TMEM114: variants seen among roughly 807,000 people sequenced by gnomAD.
The protein encoded by TMEM114 is claudin-26.
Under a neutral mutation model 6.2 loss-of-function variants are expected in TMEM114, and 6 were observed. The observed-to-expected ratio is 0.97, with a 90% CI of 0.53 to 1.91. The LOEUF (loss-of-function observed/expected upper bound fraction) is 1.91. Ranked by LOEUF, TMEM114 falls within the 40% of genes most tolerant of loss-of-function variation. The probability of loss-of-function intolerance (pLI) is 0.01; values close to 1 mark genes in which losing one functional copy is unlikely to be tolerated. For missense variants in TMEM114, 218 were observed against 158.3 expected, an observed-to-expected ratio of 1.38 and a Z score of -2.02; for synonymous variants, 104 against 73.0, an observed-to-expected ratio of 1.42 and a Z score of -2.16.
chr16:8,545,926 G>A (rs1369855348), intron 2 of TMEM114, among the ~76,000 whole-genome samples: 9 of 152,078 alleles, frequency 5.9e-5, no homozygotes, highest in Non-Finnish European at 4.4e-5. Context: ...ACCAGCCTGG[G>A]CAACATAGCA....
intron 2 of TMEM114, among the ~76,000 whole-genome samples, chr16:8,579,811 T>C (rs1190711433): frequency 6.6e-6 from 1 of 152,104 alleles, no homozygotes; most frequent in Non-Finnish European, 1.5e-5. Flanking sequence ...CAAGAGCCAA[T>C]GGCCATGAAG....
chr16:8,527,561 A>T, the TMEM114 span, among the ~76,000 whole-genome samples: 2 of 152,062 alleles, frequency 1.3e-5, no homozygotes, highest in African/African-American at 4.8e-5. Flanking sequence ...TAATCATGGA[A>T]TTTTGCGTGT....
chr16:8,561,284 T>A (rs555530435), intron 2 of TMEM114, among the ~76,000 whole-genome samples: 1 of 152,280 alleles, frequency 6.6e-6, no homozygotes, highest in African/African-American at 2.4e-5. Context: ...CAAGGCAAAA[T>A]TAGGAGGAAG....
chr16:8,533,069 T>C (rs1006773250), downstream of TMEM114, among the ~76,000 whole-genome samples: 2 of 151,826 alleles, frequency 1.3e-5, no homozygotes, highest in African/African-American at 4.8e-5. Context: ...AAAGGTAGGG[T>C]AGTAAAAGTC....
chr16:8,576,863 G>A (rs1013521195), intron 2 of TMEM114, among the ~76,000 whole-genome samples: 1 of 152,160 alleles, frequency 6.6e-6, no homozygotes, highest in African/African-American at 2.4e-5. Context: ...CCACCTCCTT[G>A]GAACTTATAA....
downstream of TMEM114, among the ~76,000 whole-genome samples, chr16:8,567,066 A>AT (rs34500863): frequency 0.014 from 1,956 of 144,414 alleles, 35 homozygotes; most frequent in African/African-American, 0.041. Context: ...ACAGCTGGCT[A>AT]TTTTTTTTTT....
intron 2 of TMEM114, among the ~76,000 whole-genome samples, chr16:8,559,503 A>G (rs577898022): frequency 1.3e-5 from 2 of 152,338 alleles, no homozygotes; most frequent in South Asian, 4.1e-4. Context: ...GGACCCAGCA[A>G]TCCAGTGGGT....
At chr16:8,545,577 C>G (rs895338360) in intron 2 of TMEM114, among the ~76,000 whole-genome samples, 10 of 152,170 alleles carry the variant, frequency 6.6e-5, no homozygotes, top group Non-Finnish European at 8.8e-5. Flanking sequence ...GAGGGCTACT[C>G]AAATACAGAT....
intron 2 of TMEM114, among the ~76,000 whole-genome samples, chr16:8,544,171 T>C (rs997900500): frequency 1.3e-5 from 2 of 152,246 alleles, no homozygotes; most frequent in Admixed American, 6.5e-5. Flanking sequence ...CAACTTTATA[T>C]AGGCAAGCTG....
chr16:8,556,237 C>G (rs1901005831), intron 2 of TMEM114, among the ~76,000 whole-genome samples: 1 of 152,298 alleles, frequency 6.6e-6, no homozygotes, highest in African/African-American at 2.4e-5. Flanking sequence ...CCTCTGCCGG[C>G]CTTTGTCCCT....
At chr16:8,539,203 G>A (rs967000425) in intron 2 of TMEM114, among the ~76,000 whole-genome samples, 1 of 152,108 alleles carries the variant, frequency 6.6e-6, no homozygotes, top group South Asian at 2.1e-4. Context: ...ATAAACGTTT[G>A]AGGATCCCTG....
At chr16:8,573,968 A>G (rs1327864264) in intron 2 of TMEM114, among the ~76,000 whole-genome samples, 1 of 152,194 alleles carries the variant, frequency 6.6e-6, no homozygotes, top group Admixed American at 6.5e-5. Context: ...GTAAGTGCTG[A>G]AGAGATATGT....
intron 2 of TMEM114, among the ~76,000 whole-genome samples, chr16:8,543,607 T>C (rs73505728): frequency 0.025 from 3,791 of 152,162 alleles, 163 homozygotes; most frequent in African/African-American, 0.086. Flanking sequence ...TCAGATGTCA[T>C]CTCCTCTCCA....
In TMEM114 at chr16:8,547,589, C is replaced by T. The variant is rs533704985; in HGVS notation, n.213-9763G>A. Among the ~76,000 whole-genome samples, 7 of 152,224 alleles carry T rather than the reference C, an allele frequency of 4.6e-5. No individual in the cohort carries two copies. In the South Asian group the frequency reaches 1.5e-3, roughly 32 times the overall value. On this transcript the variant is annotated intron_variant and non_coding_transcript_variant, in intron 2 of 2. Coordinates refer to the TMEM114 transcript ENST00000623677. The stretch of plus-strand genomic sequence containing the variant: ...TGTATTTTTAGTAGAGACAGGGTTT[C>T]ACCATCTTGGCCAGACTGGTCTTGA...
chr16:8,551,544 G>T (rs890878599), intron 2 of TMEM114, among the ~76,000 whole-genome samples: 1 of 152,142 alleles, frequency 6.6e-6, no homozygotes, highest in African/African-American at 2.4e-5. Context: ...AACTTCCTGT[G>T]GCCAAAGCAA....
At chr16:8,545,053 A>G (rs991898381) in intron 2 of TMEM114, among the ~76,000 whole-genome samples, 3 of 151,974 alleles carry the variant, frequency 2.0e-5, no homozygotes, top group Admixed American at 2.0e-4. Flanking sequence ...GTTTTATCAG[A>G]TGGTCTTGTC....
chr16:8,536,147 C>G (rs1464564121), downstream of TMEM114, among the ~76,000 whole-genome samples: 1 of 151,710 alleles, frequency 6.6e-6, no homozygotes, highest in African/African-American at 2.4e-5. Context: ...ATCACTTGAA[C>G]CTGGGAGGCG....
At chr16:8,529,597 C>A in the TMEM114 span, among the ~76,000 whole-genome samples, 1 of 152,108 alleles carries the variant, frequency 6.6e-6, no homozygotes, top group African/African-American at 2.4e-5. Flanking sequence ...AATAGGTAGG[C>A]AGAGGCACCC....
intron 2 of TMEM114, among the ~76,000 whole-genome samples, chr16:8,545,568 A>G (rs1900640410): frequency 6.6e-6 from 1 of 152,182 alleles, no homozygotes; most frequent in African/African-American, 2.4e-5. Context: ...AACCACCCAG[A>G]GGGCTACTCA....
Sources: gnomAD v4.1 joint callset for allele counts (sites outside exome capture counted in the v4.1 genomes callset) on GRCh38, gnomAD v4.1.1 for gene constraint, MANE v1.5 for transcripts, NCBI Gene and HGNC (gene_info 2026-07-23, HGNC 2026-07-21) for gene names.